The following GRIK1 variants were observed in gnomAD, a reference collection of about 807,000 sequenced individuals.
GRIK1 encodes glutamate ionotropic receptor kainate type subunit 1, also known as glutamate receptor ionotropic, kainate 1.
In GRIK1, 69 loss-of-function variants were observed where a neutral mutation model predicts 105.7. That is an observed-to-expected ratio of 0.65 (90% confidence interval 0.54 to 0.80). The LOEUF is 0.80. Among genes scored for constraint, GRIK1 ranks in the 30% least tolerant of loss-of-function variants. The probability of loss-of-function intolerance (pLI) is 0.00; values close to 1 mark genes in which losing one functional copy is unlikely to be tolerated. For missense variants in GRIK1, 1,109 were observed against 1,167.3 expected, an observed-to-expected ratio of 0.95 and a Z score of 0.73; for synonymous variants, 438 against 431.3, an observed-to-expected ratio of 1.02 and a Z score of -0.19.
At chr21:29,633,439 A>G (rs1203464617) in intron 7 of GRIK1, among the ~76,000 whole-genome samples, 1 of 152,186 alleles carries the variant, frequency 6.6e-6, no homozygotes. Flanking sequence ...CAGAGATTGC[A>G]GTGAACCAAG....
At chr21:29,580,379 A>G (rs2091001579) in intron 13 of GRIK1, among the ~76,000 whole-genome samples, 1 of 152,072 alleles carries the variant, frequency 6.6e-6, no homozygotes, top group Non-Finnish European at 1.5e-5. Flanking sequence ...GATGGCATCT[A>G]TACTTATTTA....
At chr21:29,888,203 C>CTTTCTTTCTTTCTTTCTTTCTTTCT (rs2069738186) in intron 1 of GRIK1, among the ~76,000 whole-genome samples, 1 of 13,318 alleles carries the variant, frequency 7.5e-5, no homozygotes, top group Non-Finnish European at 1.8e-4. Context: ...CTTTCTCTCT[C>CTTTCTTTCTTTCTTTCTTTCTTTCT]TCTCTCTCTC....
chr21:29,914,468 G>T (rs1445297035), intron 1 of GRIK1, among the ~76,000 whole-genome samples: 2 of 152,016 alleles, frequency 1.3e-5, no homozygotes, highest in Non-Finnish European at 2.9e-5. Context: ...AAGACTTGGG[G>T]CAATGGCAGT....
chr21:29,770,200 G>A lies in GRIK1; in HGVS notation c.119-76137C>T, dbSNP rs80031197. 7.4e-3 allele frequency among the ~76,000 whole-genome samples: 1,124 copies of A among 152,300 alleles called. 14 individuals are homozygous for A. Among genetic ancestry groups the A allele is most frequent in the African/African-American group, 0.026 (1,077 of 41,558 alleles). On this transcript the variant is annotated intron_variant, in intron 1 of 17. Transcript: ENST00000327783. ...CTCGCGTTTTAAATTTATGGTCCAA[G>A]TATATATGAATACTTCATCCGGAAT...
intron 7 of GRIK1, among the ~76,000 whole-genome samples, chr21:29,610,932 C>T (rs2061717890): frequency 2.0e-5 from 3 of 152,158 alleles, no homozygotes; most frequent in African/African-American, 7.2e-5. Flanking sequence ...TATCCAGAGG[C>T]TTCCATGGTC....
At chr21:29,639,746 T>C (rs2062471896) in intron 7 of GRIK1, among the ~76,000 whole-genome samples, 1 of 152,212 alleles carries the variant, frequency 6.6e-6, no homozygotes. Context: ...TTTTCAAGGG[T>C]GTTATCCCTT....
At chr21:29,624,998 G>T (rs1357601490) in intron 7 of GRIK1, among the ~76,000 whole-genome samples, 1 of 152,236 alleles carries the variant, frequency 6.6e-6, no homozygotes, top group African/African-American at 2.4e-5. Flanking sequence ...GCTCATAGCA[G>T]GTCTGTGTTG....
intron 1 of GRIK1, among the ~76,000 whole-genome samples, chr21:29,792,602 A>G (rs1164472684): frequency 2.0e-5 from 3 of 152,214 alleles, no homozygotes; most frequent in Non-Finnish European, 2.9e-5. Context: ...TGGTGGTGAT[A>G]ATTATGATTT....
intron 3 of GRIK1, among the ~76,000 whole-genome samples, chr21:29,680,422 C>G (rs1357943503): frequency 6.6e-6 from 1 of 152,232 alleles, no homozygotes. Flanking sequence ...TGTATTGCCT[C>G]CATCTCTTCC....
intron 1 of GRIK1, among the ~76,000 whole-genome samples, chr21:29,841,184 T>C (rs903884137): frequency 1.3e-5 from 2 of 152,202 alleles, no homozygotes; most frequent in African/African-American, 4.8e-5. Context: ...TTTAAATTGA[T>C]GATGATAGCT....
intron 8 of GRIK1, chr21:29,597,652 C>A: frequency 2.1e-6 from 1 of 468,558 alleles, no homozygotes; most frequent in Non-Finnish European, 4.4e-6. Context: ...AGGGGCAAAT[C>A]AGAGTGAAGA....
chr21:29,933,843 G>A (rs957106460), intron 1 of GRIK1, among the ~76,000 whole-genome samples: 11 of 152,020 alleles, frequency 7.2e-5, no homozygotes, highest in East Asian at 3.8e-4. Flanking sequence ...GAAGTCCTCC[G>A]TTACTCTTTC....
chr21:29,793,927 C>T (rs1337622801), intron 1 of GRIK1, among the ~76,000 whole-genome samples: 1 of 152,162 alleles, frequency 6.6e-6, no homozygotes, highest in African/African-American at 2.4e-5. Context: ...TCGTGGAAGA[C>T]ACAAAGGTCC....
intron 1 of GRIK1, among the ~76,000 whole-genome samples, chr21:29,755,971 T>G (rs1167514200): frequency 2.0e-5 from 3 of 152,186 alleles, no homozygotes; most frequent in African/African-American, 7.2e-5. Context: ...AGGCCATGGT[T>G]ATTAAGGTTG....
intron 4 of GRIK1, among the ~76,000 whole-genome samples, chr21:29,666,688 A>G (rs891310500): frequency 5.3e-5 from 8 of 152,204 alleles, no homozygotes; most frequent in African/African-American, 1.9e-4. Context: ...TGGACATTTG[A>G]TACAATTCAC....
chr21:29,561,453 A>T (rs370675532), intron 15 of GRIK1, among the ~76,000 whole-genome samples, 171 bp downstream of exon 15: 6 of 152,342 alleles, frequency 3.9e-5, no homozygotes, highest in African/African-American at 1.2e-4. Flanking sequence ...ATATCTGGGA[A>T]TCTGTAATTC....
At chr21:29,682,826 A>T (rs1052033892) in intron 3 of GRIK1, among the ~76,000 whole-genome samples, 2 of 152,350 alleles carry the variant, frequency 1.3e-5, no homozygotes, top group Admixed American at 6.5e-5. Context: ...AAGAGAAATT[A>T]TCAACAGAGT....
At chr21:29,800,718 G>C (rs2066683693) in intron 1 of GRIK1, among the ~76,000 whole-genome samples, 1 of 152,130 alleles carries the variant, frequency 6.6e-6, no homozygotes, top group South Asian at 2.1e-4. Context: ...AGATTGTGTA[G>C]AAAACACAAG....
At chr21:29,815,727 C>A (rs2067137495) in intron 1 of GRIK1, among the ~76,000 whole-genome samples, 1 of 151,948 alleles carries the variant, frequency 6.6e-6, no homozygotes, top group Non-Finnish European at 1.5e-5. Flanking sequence ...TAGCTATGAG[C>A]ACAATTAAAA....
Sources: allele counts gnomAD v4.1 joint callset (sites outside exome capture counted in the v4.1 genomes callset), GRCh38; gene constraint gnomAD v4.1.1; transcripts MANE v1.5; gene names NCBI Gene and HGNC (gene_info 2026-07-23, HGNC 2026-07-21).